The following PAAF1 variants were observed in gnomAD, a reference collection of about 807,000 sequenced individuals.
PAAF1 encodes the protein proteasomal ATPase associated factor 1.
A neutral mutation model predicts 52.8 loss-of-function variants in PAAF1; 46 were observed. That is an observed-to-expected ratio of 0.87 (90% CI 0.69 to 1.11). The LOEUF (loss-of-function observed/expected upper bound fraction) is 1.11. Among genes scored for constraint, PAAF1 ranks in the 50% most tolerant of loss-of-function variants. The pLI is 0.00. For missense variants in PAAF1, 424 were observed against 477.4 expected, an observed-to-expected ratio of 0.89 and a Z score of 1.04; for synonymous variants, 178 against 172.8, an observed-to-expected ratio of 1.03 and a Z score of -0.24.
chr11:73,917,756 C>T (rs1950105059), intron 9 of PAAF1, among the ~76,000 whole-genome samples: 1 of 152,014 alleles, frequency 6.6e-6, no homozygotes, highest in Admixed American at 6.6e-5. Context: ...CCTATAATCC[C>T]AGGTACTGGG....
Position 73,887,492 on chromosome 11 carries a change from T to TA in PAAF1, c.192+39dup, listed in dbSNP as rs772802804. The TA allele has an allele frequency of 9.1e-6, 13 of 1,421,248 alleles. No homozygotes were observed. In the African/African-American group the frequency reaches 1.7e-4, roughly 19 times the overall value. The allele number at this position is 1,421,248 out of a possible 1,614,324, so 88.0% of individuals were successfully genotyped here. A position where few individuals can be genotyped will look rare whatever the true frequency, so the allele number is the denominator to read the frequency against. On this transcript the variant is annotated intron_variant, in intron 3 of 11. Transcript: ENST00000310571. ...TATGTCTTCTAGATGGCATGATATT[T>TA]AAAACTATGGTAGTACCCAAACATC...
At chr11:73,894,640 A>G (rs1565131619) in intron 4 of PAAF1, among the ~76,000 whole-genome samples, 2 of 151,880 alleles carry the variant, frequency 1.3e-5, no homozygotes, top group Admixed American at 6.6e-5. Context: ...ATAATAAAAA[A>G]AAATCTACTA....
Position 73,914,494 on chromosome 11 carries a change from G to T in PAAF1, c.809G>T (p.Ser270Ile). 3.1e-6 allele frequency: 5 copies of T among 1,613,988 alleles called. No individual in the cohort carries two copies. Among genetic ancestry groups the T allele is most frequent in the Non-Finnish European group, 4.2e-6 (5 of 1,179,904 alleles). The change falls in exon 8 of 12, where the codon AGC (serine) becomes ATC (isoleucine). Residue 270 changes from serine to isoleucine, a missense_variant. Ser to Ile is a moderately radical substitution (Grantham distance 142). Transcript: ENST00000310571. Reference sequence around the variant, plus strand: ...AAACTTCAGTGCTTGGGACTACAGAGCAGGCAGCTGGCAAGTGGTTCCTAT... The same window carrying T: ...AAACTTCAGTGCTTGGGACTACAGATCAGGCAGCTGGCAAGTGGTTCCTAT... The part of the protein sequence containing the change: ...DKKLQCLGLQ[S>I]RQLVFLFIGS...
intron 10 of PAAF1, chr11:73,921,959 A>G: frequency 1.1e-6 from 1 of 921,064 alleles, no homozygotes; most frequent in South Asian, 1.3e-5. Flanking sequence ...TCCTTCAGAC[A>G]CTCAGAAACG....
At chr11:73,882,825 G>A (rs375335179) in intron 2 of PAAF1, among the ~76,000 whole-genome samples, 9 of 151,896 alleles carry the variant, frequency 5.9e-5, no homozygotes, top group Non-Finnish European at 1.0e-4. Flanking sequence ...GGATGGTCTC[G>A]AACTCCTGAC....
chr11:73,891,266 G>C (rs574616095), intron 4 of PAAF1, 65 bp downstream of exon 4: 5 of 895,968 alleles, frequency 5.6e-6, no homozygotes, highest in Non-Finnish European at 8.8e-6. Context: ...TTATTTGCTT[G>C]TCTAGTGCTA....
intron 6 of PAAF1, among the ~76,000 whole-genome samples, chr11:73,908,146 C>G (rs773382573): frequency 1.3e-5 from 2 of 151,652 alleles, no homozygotes; most frequent in Non-Finnish European, 1.5e-5. Context: ...AAGTCATGTC[C>G]TTTTTTCAAA....
Position 73,914,418 on chromosome 11 carries a change from C to T in PAAF1, c.733C>T (p.Arg245Trp), listed in dbSNP as rs762200333. The change falls in exon 8 of 12, where the codon CGG becomes TGG. Residue 245 changes from arginine (R) to tryptophan (W), a missense_variant. Transcript: ENST00000310571. ...ATAGTTTATTTGTCATGCAGGTGAA[C>T]GGGAGGTTGGAACAGAGGCCAAAAT... ...LGSPEQMPSE[R>W]EVGTEAKMLL... 5.5e-5 allele frequency: 88 copies of T among 1,613,792 alleles called. No individual in the cohort carries two copies. Among genetic ancestry groups the T allele is most frequent in the Admixed American group, 2.0e-4 (12 of 59,990 alleles).
At chr11:73,885,623 C>T (rs1949039476) in intron 2 of PAAF1, among the ~76,000 whole-genome samples, 1 of 151,318 alleles carries the variant, frequency 6.6e-6, no homozygotes, top group African/African-American at 2.4e-5. Flanking sequence ...GGGTGGATCA[C>T]CTGAGGGGAG....
rs755496093 is a variant in PAAF1, at chr11:73,887,322, T to C, written c.89-32T>C. On this transcript the variant is annotated intron_variant, in intron 2 of 11. Transcript: ENST00000310571. ...GAGAAAAATAATAAATTTTTCTTAT[T>C]TTTTGAGACATGCTTCTTTTGTACC... 14 of 1,516,192 alleles carry C rather than the reference T, an allele frequency of 9.2e-6. No homozygotes were observed. The Admixed American group carries it at 2.7e-4, about 30-fold the overall frequency. The allele number at this position is 1,516,192 out of a possible 1,614,324, so 93.9% of individuals were successfully genotyped here. A position where few individuals can be genotyped will look rare whatever the true frequency, so the allele number is the denominator to read the frequency against.
chr11:73,909,492 C>A lies in PAAF1; in HGVS notation c.626C>A (p.Ala209Asp). 6.2e-7 allele frequency: 1 copy of A among 1,614,036 alleles called. No individual in the cohort carries two copies. The highest frequency in any genetic ancestry group is 1.1e-5 in the South Asian group (1 of 91,084). Residue 209 changes from alanine to aspartate, a missense_variant, in exon 7 of 12, where the codon GCC becomes GAC. Transcript: ENST00000310571. ...CGACTTTGGGATTGTGGGCGCTCAG[C>A]CTGCTTGGGAGTCCTTGCAGATTGT... is the stretch of plus-strand genomic sequence containing the variant. ...TARLWDCGRS[A>D]CLGVLADCGS...
At chr11:73,879,293 T>A (rs1018066877) in intron 2 of PAAF1, 16 of 152,294 alleles carry the variant, frequency 1.1e-4, no homozygotes, top group African/African-American at 3.6e-4. Flanking sequence ...GTGAGTTCTC[T>A]TTCCTGATTT....
At chr11:73,906,369 C>T (rs1949753802) in intron 6 of PAAF1, among the ~76,000 whole-genome samples, 1 of 152,194 alleles carries the variant, frequency 6.6e-6, no homozygotes, top group African/African-American at 2.4e-5. Flanking sequence ...TCTTGTGCCT[C>T]AGCCTCCCAA....
chr11:73,908,287 A>ATATATGTGTG (rs1565143535), intron 6 of PAAF1, among the ~76,000 whole-genome samples: 14 of 129,994 alleles, frequency 1.1e-4, no homozygotes, highest in Non-Finnish European at 1.3e-4. Flanking sequence ...GTATATATGT[A>ATATATGTGTG]TATATATGTG....
intron 10 of PAAF1, among the ~76,000 whole-genome samples, chr11:73,921,151 T>C (rs533244040): frequency 2.0e-5 from 3 of 151,726 alleles, no homozygotes; most frequent in African/African-American, 7.2e-5. Context: ...AATACCAATA[T>C]TAGCTAGGCA....
Position 73,900,305 on chromosome 11 carries a change from T to C in PAAF1, c.417T>C (p.Cys139=). Reference sequence around the variant, plus strand: ...AAGGACATGTGTTTGATGTGAATTGTTGCAGGTTTTTCCCATCAGGCCTTG... The same window carrying C: ...AAGGACATGTGTTTGATGTGAATTGCTGCAGGTTTTTCCCATCAGGCCTTG... ...VLEGHVFDVN[C]CRFFPSGLVV... is the part of the protein sequence containing the mutation. Residue 139 remains cysteine (C), a synonymous_variant, in exon 6 of 12, where the codon TGT becomes TGC. Transcript: ENST00000310571. The C allele has an allele frequency of 6.2e-7, 1 of 1,611,862 alleles. No individual in the cohort carries two copies. Among genetic ancestry groups the C allele is most frequent in the Non-Finnish European group, 8.5e-7 (1 of 1,178,676 alleles).
intron 2 of PAAF1, among the ~76,000 whole-genome samples, chr11:73,885,338 T>C (rs1369390098): frequency 6.6e-6 from 1 of 151,126 alleles, no homozygotes; most frequent in Non-Finnish European, 1.5e-5. Flanking sequence ...GAGAAGAGGT[T>C]TCACTATGTT....
intron 9 of PAAF1, 86 bp from the exon 10 acceptor site, chr11:73,918,864 T>G: frequency 2.1e-6 from 2 of 930,772 alleles, no homozygotes; most frequent in Non-Finnish European, 3.4e-6. Flanking sequence ...CTGTTTGCTC[T>G]TATGTGGTTA....
At position 73,909,562 on chromosome 11, in the gene PAAF1, C is replaced by G. The variant is rs770891888; in HGVS notation, c.696C>G (p.Ser232=). The G allele has an allele frequency of 4.3e-6, 7 of 1,614,118 alleles. No homozygotes were observed. Among genetic ancestry groups the G allele is most frequent in the Admixed American group, 1.7e-5 (1 of 60,010 alleles). The change falls in exon 7 of 12, where the codon TCC becomes TCG. Residue 232 remains serine, a synonymous_variant. Coordinates refer to ENST00000310571, the MANE Select transcript of PAAF1 (RefSeq NM_025155.3). ...TGGCGGTGGGTGCTGCTGACAACTC[C>G]ATAAACCTTGGCTCCCCTGAGCAGA... ...NGVAVGAADN[S]INLGSPEQMP...
Sources: allele counts gnomAD v4.1 joint callset (sites outside exome capture counted in the v4.1 genomes callset), GRCh38; gene constraint gnomAD v4.1.1; transcripts MANE v1.5; gene names NCBI Gene and HGNC (gene_info 2026-07-23, HGNC 2026-07-21).